Variants in KIF13B observed in about 807,000 individuals in gnomAD.
The protein encoded by KIF13B is kinesin family member 13B, also known as kinesin-like protein KIF13B.
Under a neutral mutation model 222.0 loss-of-function variants are expected in KIF13B, and 127 were observed. The observed-to-expected ratio is 0.57, with a 90% CI of 0.50 to 0.66. The LOEUF is 0.66. Ranked by LOEUF, KIF13B falls within the 30% of genes least tolerant of loss-of-function variation. The probability of loss-of-function intolerance (pLI) is 0.00; values close to 1 mark genes in which losing one functional copy is unlikely to be tolerated. For synonymous variants in KIF13B, 976 were observed against 919.0 expected, an observed-to-expected ratio of 1.06 and a Z score of -1.12; for missense variants, 2,173 against 2,379.0, an observed-to-expected ratio of 0.91 and a Z score of 1.80.
intron 2 of KIF13B, 75 bp from the exon 3 acceptor site, chr8:29,196,274 AC>A: frequency 7.7e-7 from 1 of 1,293,876 alleles, no homozygotes; most frequent in Non-Finnish European, 1.1e-6. Context: ...AGTTTAGAAG[AC>A]TTTTTTTGAA....
intron 1 of KIF13B, among the ~76,000 whole-genome samples, chr8:29,254,582 C>G (rs1816403430): frequency 6.6e-6 from 1 of 152,154 alleles, no homozygotes; most frequent in Non-Finnish European, 1.5e-5. Context: ...CAGAGAAAGG[C>G]AAATCTAAAC....
intron 20 of KIF13B, 79 bp from the exon 21 acceptor site, chr8:29,140,270 C>T (rs1810755397): frequency 1.3e-6 from 2 of 1,570,614 alleles, no homozygotes; most frequent in Non-Finnish European, 1.7e-6. Flanking sequence ...TTCTCTTTTA[C>T]AGTCAAGTTG....
chr8:29,163,004 A>C (rs1811847948), intron 12 of KIF13B, among the ~76,000 whole-genome samples: 1 of 152,250 alleles, frequency 6.6e-6, no homozygotes, highest in Non-Finnish European at 1.5e-5. Context: ...TTACAAAAGC[A>C]AGTGGCAGAC....
At chr8:29,224,686 C>T (rs534045610) in intron 2 of KIF13B, among the ~76,000 whole-genome samples, 8 of 150,892 alleles carry the variant, frequency 5.3e-5, no homozygotes, top group Admixed American at 4.0e-4. Context: ...ATTCTATCCA[C>T]GTTAAGAATC....
chr8:29,252,665 A>C (rs116626142), intron 1 of KIF13B, among the ~76,000 whole-genome samples: 1,627 of 152,324 alleles, frequency 0.011, 26 homozygotes, highest in African/African-American at 0.037. Context: ...TCACATACCC[A>C]ATACTTTTCC....
intron 2 of KIF13B, among the ~76,000 whole-genome samples, chr8:29,223,335 A>AT (rs1169492432): frequency 1.3e-5 from 2 of 149,748 alleles, no homozygotes; most frequent in Non-Finnish European, 3.0e-5. Context: ...CTGTCTCAAA[A>AT]AAAAAAAAAA....
chr8:29,125,890 CA>C, intron 26 of KIF13B, among the ~76,000 whole-genome samples: 1 of 152,188 alleles, frequency 6.6e-6, no homozygotes, highest in Non-Finnish European at 1.5e-5. Flanking sequence ...GGGTGGATCA[CA>C]AGGTCAGGAA....
At position 29,188,718 on chromosome 8, in the gene KIF13B, A is replaced by G. The variant is rs1001539467; in HGVS notation, c.224-111T>C. The G allele has an allele frequency of 2.7e-5, 18 of 673,178 alleles. No individual in the cohort carries two copies. The African/African-American group carries it at 3.3e-4, about 12-fold the overall frequency. 41.7% of individuals were successfully genotyped at this position (673,178 alleles called of 1,614,324 possible). Reference sequence around the variant, plus strand: ...ATGTATAATCTGCTTATTTATCTCCAAACAAGATTTTTAAATTTGACGAAT... The same window carrying G: ...ATGTATAATCTGCTTATTTATCTCCGAACAAGATTTTTAAATTTGACGAAT... On this transcript the variant is annotated intron_variant, in intron 4 of 39. Coordinates refer to ENST00000524189, the MANE Select transcript of KIF13B (RefSeq NM_015254.4).
chr8:29,178,588 T>C (rs1812579638), intron 8 of KIF13B, among the ~76,000 whole-genome samples: 1 of 151,448 alleles, frequency 6.6e-6, no homozygotes, highest in Non-Finnish European at 1.5e-5. Context: ...GACATTTATT[T>C]CCATAAATAA....
At chr8:29,246,237 C>T (rs1049792808) in intron 1 of KIF13B, among the ~76,000 whole-genome samples, 2 of 151,994 alleles carry the variant, frequency 1.3e-5, no homozygotes, top group Non-Finnish European at 2.9e-5. Flanking sequence ...ATCAGCCAGA[C>T]ATGGTGGTGG....
intron 12 of KIF13B, among the ~76,000 whole-genome samples, chr8:29,162,713 G>A (rs906349884): frequency 1.3e-5 from 2 of 152,194 alleles, no homozygotes; most frequent in East Asian, 3.9e-4. Flanking sequence ...TCATTATTCC[G>A]TTTGCCACCA....
chr8:29,143,573 T>C (rs1810915184), intron 18 of KIF13B, among the ~76,000 whole-genome samples: 1 of 152,092 alleles, frequency 6.6e-6, no homozygotes, highest in Non-Finnish European at 1.5e-5. Context: ...TTTGGCCAGG[T>C]GTGGTGGCTC....
In KIF13B at chr8:29,204,187, A is replaced by T. The variant is rs145190560; in HGVS notation, c.150-7988T>A. The stretch of plus-strand genomic sequence containing the variant: ...CTGGTTGAGAACAGAGGGACATCCA[A>T]GCAATATGGCCACTGAACCACAACT... On this transcript the variant is annotated intron_variant, in intron 2 of 39. Coordinates refer to ENST00000524189, the MANE Select transcript of KIF13B (RefSeq NM_015254.4). Among the ~76,000 whole-genome samples, 50 of 152,350 alleles carry T rather than the reference A, an allele frequency of 3.3e-4. 1 individual carries two copies. In the East Asian group the frequency reaches 9.4e-3, roughly 29 times the overall value.
chr8:29,252,823 C>A (rs1816334160), intron 1 of KIF13B, among the ~76,000 whole-genome samples: 1 of 152,014 alleles, frequency 6.6e-6, no homozygotes, highest in South Asian at 2.1e-4. Flanking sequence ...CTTGGGACCC[C>A]CTTTTTTATT....
chr8:29,243,261 T>G (rs931897612), intron 2 of KIF13B, among the ~76,000 whole-genome samples: 2 of 151,022 alleles, frequency 1.3e-5, no homozygotes, highest in African/African-American at 4.9e-5. Context: ...TCAGGAGAAT[T>G]GGTTGAACCT....
chr8:29,256,957 G>A (rs1019860372), intron 1 of KIF13B, among the ~76,000 whole-genome samples: 4 of 152,110 alleles, frequency 2.6e-5, no homozygotes, highest in African/African-American at 7.2e-5. Context: ...GTTTCACCAT[G>A]TTGGCCAGTC....
In KIF13B at chr8:29,160,870, G is replaced by A. The variant is rs368523545; in HGVS notation, c.1270-3C>T. ...CTCTCAAGCTGTTTCTGTCGTTCCT[G>A]TAAATGTTATCAGAGAAGTATTAAT... On this transcript the variant is annotated splice_region_variant and splice_polypyrimidine_tract_variant and intron_variant, in intron 12 of 39. Coordinates refer to ENST00000524189, the MANE Select transcript of KIF13B (RefSeq NM_015254.4). 1.2e-6 allele frequency: 2 copies of A among 1,612,380 alleles called. No homozygotes were observed. The highest frequency in any genetic ancestry group is 2.7e-5 in the African/African-American group (2 of 74,892).
chr8:29,104,755 A>AT (rs921371702), intron 35 of KIF13B, among the ~76,000 whole-genome samples: 9 of 150,476 alleles, frequency 6.0e-5, no homozygotes, highest in South Asian at 4.2e-4. Context: ...TTTATTTTTT[A>AT]TTTTTTTTGA....
intron 2 of KIF13B, among the ~76,000 whole-genome samples, chr8:29,215,270 G>A (rs181191885): frequency 6.6e-6 from 1 of 152,128 alleles, no homozygotes; most frequent in Non-Finnish European, 1.5e-5. Context: ...TAACAAACAA[G>A]CAAAATATGG....
Sources: gnomAD v4.1 joint callset for allele counts (sites outside exome capture counted in the v4.1 genomes callset) on GRCh38, gnomAD v4.1.1 for gene constraint, MANE v1.5 for transcripts, NCBI Gene and HGNC (gene_info 2026-07-23, HGNC 2026-07-21) for gene names.